The following PDGFRL variants were observed in gnomAD, a reference collection of about 807,000 sequenced individuals.
PDGFRL encodes platelet derived growth factor receptor like.
PDGFRL carries 46 observed loss-of-function variants against 37.2 expected under a neutral mutation model. The ratio of observed to expected loss-of-function variants is 1.24; its 90% CI spans 0.98 to 1.58. The LOEUF is 1.58. Among genes scored for constraint, PDGFRL ranks in the 40% most tolerant of loss-of-function variants. The probability of loss-of-function intolerance (pLI) is 0.00; values close to 1 mark genes in which losing one functional copy is unlikely to be tolerated. For synonymous variants in PDGFRL, 251 were observed against 184.3 expected, an observed-to-expected ratio of 1.36 and a Z score of -2.93; for missense variants, 692 against 467.6, an observed-to-expected ratio of 1.48 and a Z score of -4.43.
chr8:17,603,131 C>T (rs189722156), intron 2 of PDGFRL, among the ~76,000 whole-genome samples: 18 of 152,188 alleles, frequency 1.2e-4, no homozygotes, highest in East Asian at 5.8e-4. Context: ...TACAGGCGTG[C>T]GCCACCAAGC....
intron 2 of PDGFRL, among the ~76,000 whole-genome samples, chr8:17,597,377 C>G (rs986034795): frequency 1.3e-5 from 2 of 152,184 alleles, no homozygotes; most frequent in Non-Finnish European, 2.9e-5. Flanking sequence ...CCACATTTAT[C>G]CGAATGTAAT....
At chr8:17,579,370 G>A (rs1006379732) in intron 1 of PDGFRL, among the ~76,000 whole-genome samples, 12 of 151,992 alleles carry the variant, frequency 7.9e-5, no homozygotes. Context: ...CTACTAAGGA[G>A]AGTGGATTAC....
chr8:17,601,275 C>T (rs1804160633), intron 2 of PDGFRL, among the ~76,000 whole-genome samples: 1 of 152,164 alleles, frequency 6.6e-6, no homozygotes, highest in Non-Finnish European at 1.5e-5. Flanking sequence ...AGCACAGTCT[C>T]CAGCATGCCC....
intron 4 of PDGFRL, 105 bp from the exon 5 acceptor site, chr8:17,633,969 A>G: frequency 1.7e-6 from 2 of 1,182,968 alleles, no homozygotes; most frequent in Admixed American, 3.4e-5. Context: ...AGCTGTGAGA[A>G]AGGCAGAAAA....
intron 2 of PDGFRL, among the ~76,000 whole-genome samples, chr8:17,605,736 T>C (rs1313353313): frequency 6.6e-6 from 1 of 152,224 alleles, no homozygotes; most frequent in African/African-American, 2.4e-5. Context: ...TCCTGCTCCC[T>C]AGGAAATAAG....
chr8:17,628,906 T>G lies in PDGFRL; in HGVS notation c.799+126T>G, dbSNP rs182128739. 1,668 of 654,774 alleles carry G rather than the reference T, an allele frequency of 2.5e-3. 32 individuals carry two copies. In the South Asian group the frequency reaches 0.027, roughly 11 times the overall value. 40.6% of individuals were successfully genotyped at this position (654,774 alleles called of 1,614,324 possible). ...GCCTTTTGTTTCATTGTTGTTGGGT[T>G]GTTGTTGTTTTTTTTTCTCTTTTTT... On this transcript the variant is annotated intron_variant, in intron 4 of 5. Coordinates refer to ENST00000251630, the MANE Select transcript of PDGFRL (RefSeq NM_001372073.1).
chr8:17,577,098 T>G, upstream of PDGFRL: 3 of 700,274 alleles, frequency 4.3e-6, no homozygotes, highest in African/African-American at 4.2e-5. Context: ...AAAAAAAAAT[T>G]CCCCAACTTT....
intron 2 of PDGFRL, among the ~76,000 whole-genome samples, chr8:17,615,612 G>C (rs1401907607): frequency 1.3e-5 from 2 of 152,104 alleles, no homozygotes; most frequent in African/African-American, 2.4e-5. Flanking sequence ...CCATAATAAT[G>C]ACAATTTCTA....
intron 4 of PDGFRL, 78 bp downstream of exon 4, chr8:17,628,858 T>A (rs1804796181): frequency 1.1e-6 from 1 of 949,914 alleles, no homozygotes; most frequent in South Asian, 1.5e-5. Flanking sequence ...TGCCTGCAGA[T>A]GGAATAAGGA....
chr8:17,606,405 G>C (rs1262960612), intron 2 of PDGFRL, among the ~76,000 whole-genome samples: 1 of 152,142 alleles, frequency 6.6e-6, no homozygotes, highest in African/African-American at 2.4e-5. Flanking sequence ...TTCTTATCTG[G>C]AGCATGGGTC....
rs1454234086 is a variant in PDGFRL, at chr8:17,642,798, C to CTGACT, written c.1128_*4dup. On this transcript the variant is annotated frameshift_variant and stop_retained_variant, in exon 6 of 6. Coordinates refer to ENST00000251630, the MANE Select transcript of PDGFRL (RefSeq NM_001372073.1). LOFTEE classifies it high-confidence loss of function. ...CAGTAGCTACCACTGTTGAGTTTTC[C>CTGACT]TGACTTGGAAAAGGAAATGTAATGA... 12 of 1,595,328 alleles carry CTGACT rather than the reference C, an allele frequency of 7.5e-6. No homozygotes were observed. The African/African-American group carries it at 1.5e-4, about 20-fold the overall frequency.
intron 4 of PDGFRL, among the ~76,000 whole-genome samples, chr8:17,631,155 C>T (rs1041416955): frequency 6.6e-6 from 1 of 152,158 alleles, no homozygotes; most frequent in Non-Finnish European, 1.5e-5. Context: ...CCCCCACATT[C>T]CTTGGCAAGC....
chr8:17,577,426 C>A, intron 1 of PDGFRL, 119 bp downstream of exon 1: 1 of 824,034 alleles, frequency 1.2e-6, no homozygotes, highest in Non-Finnish European at 2.0e-6. Context: ...TGGCTCAGCC[C>A]CCGCGCCACT....
intron 5 of PDGFRL, among the ~76,000 whole-genome samples, chr8:17,635,559 G>A (rs184262825): frequency 6.6e-6 from 1 of 152,170 alleles, no homozygotes; most frequent in African/African-American, 2.4e-5. Flanking sequence ...CCATATTTTT[G>A]CACTTGTGAA....
chr8:17,625,211 G>A (rs542083263), intron 3 of PDGFRL, among the ~76,000 whole-genome samples: 34 of 133,306 alleles, frequency 2.6e-4, no homozygotes, highest in African/African-American at 9.4e-4. Flanking sequence ...GAGTGCAGTG[G>A]CACCATCTCA....
intron 3 of PDGFRL, among the ~76,000 whole-genome samples, chr8:17,625,729 C>T (rs933344990): frequency 2.0e-5 from 3 of 152,130 alleles, no homozygotes; most frequent in Non-Finnish European, 4.4e-5. Flanking sequence ...TGGCTCATGC[C>T]TGTAATCTCA....
intron 2 of PDGFRL, among the ~76,000 whole-genome samples, chr8:17,591,112 G>A (rs1408973368): frequency 6.6e-6 from 1 of 152,026 alleles, no homozygotes; most frequent in East Asian, 1.9e-4. Context: ...TCAATCTCCT[G>A]ACCTCATGAT....
At chr8:17,616,834 A>T (rs1026946736) in intron 2 of PDGFRL, among the ~76,000 whole-genome samples, 2 of 152,126 alleles carry the variant, frequency 1.3e-5, no homozygotes, top group South Asian at 4.1e-4. Context: ...TATAATACCA[A>T]TGAATCATTA....
At chr8:17,631,128 G>A (rs2129813895) in intron 4 of PDGFRL, among the ~76,000 whole-genome samples, 1 of 152,244 alleles carries the variant, frequency 6.6e-6, no homozygotes, top group Admixed American at 6.5e-5. Flanking sequence ...CAGTTGCGTT[G>A]CAGAACGCTG....
Sources: allele counts gnomAD v4.1 joint callset (sites outside exome capture counted in the v4.1 genomes callset), GRCh38; gene constraint gnomAD v4.1.1; transcripts MANE v1.5; gene names NCBI Gene and HGNC (gene_info 2026-07-23, HGNC 2026-07-21).